The following MTMR3 variants were observed in gnomAD, a reference collection of about 807,000 sequenced individuals.
The protein encoded by MTMR3 is myotubularin related protein 3, also known as phosphatidylinositol-3,5-bisphosphate 3-phosphatase MTMR3.
A neutral mutation model predicts 132.4 loss-of-function variants in MTMR3; 32 were observed. The observed-to-expected ratio is 0.24, with a 90% CI of 0.18 to 0.32. The LOEUF (loss-of-function observed/expected upper bound fraction) is 0.32. Ranked by LOEUF, MTMR3 falls within the 10% of genes least tolerant of loss-of-function variation. The pLI is 1.00. For synonymous variants in MTMR3, 556 were observed against 550.3 expected (o/e 1.01, Z -0.14); for missense variants, 1,216 against 1,489.6 (o/e 0.82, Z 3.02).
At chr22:30,008,130 C>T in intron 11 of MTMR3, 98 bp downstream of exon 11, 1 of 1,475,584 alleles carries the variant, frequency 6.8e-7, no homozygotes. Flanking sequence ...AGTGGCAAGC[C>T]ATATTCCTCA....
chr22:29,923,162 C>T (rs2065451880), intron 1 of MTMR3, among the ~76,000 whole-genome samples: 1 of 151,780 alleles, frequency 6.6e-6, no homozygotes, highest in Admixed American at 6.6e-5. Flanking sequence ...CTGCCTCAGC[C>T]TCCTGAGTAG....
rs550012493 is a variant in MTMR3, at chr22:29,945,440, C to G, written c.-137-11596C>G. On this transcript the variant is annotated intron_variant, in intron 1 of 19. Coordinates refer to ENST00000401950, the MANE Select transcript of MTMR3 (RefSeq NM_021090.4). ...CAAGCTGGCCAGGTGCGGTGGCTTA[C>G]ATCTGTAATCTCAACACTTTGAGAG... 2.0e-5 allele frequency among the ~76,000 whole-genome samples: 3 copies of G among 152,180 alleles called. No individual in the cohort carries two copies. The East Asian group carries it at 5.8e-4, about 29-fold the overall frequency.
chr22:29,971,168 A>T (rs1482007500), intron 3 of MTMR3, 106 bp downstream of exon 3: 1 of 1,183,408 alleles, frequency 8.5e-7, no homozygotes, highest in African/African-American at 1.6e-5. Flanking sequence ...TTTTTGTAAG[A>T]AATTATTTCT....
At chr22:29,899,189 A>G (rs996362575) in intron 1 of MTMR3, among the ~76,000 whole-genome samples, 3 of 152,182 alleles carry the variant, frequency 2.0e-5, no homozygotes, top group East Asian at 1.9e-4. Flanking sequence ...CACTTAGGCT[A>G]TTTAATCAGG....
At position 30,030,048 on chromosome 22, in the gene MTMR3, G is replaced by A. The variant is rs2067983972; in HGVS notation, c.*4247G>A. 2 of 149,674 alleles carry A rather than the reference G, an allele frequency of 1.3e-5. No homozygotes were observed. The highest frequency in any genetic ancestry group is 4.9e-5 in the African/African-American group (2 of 40,534). The allele number at this position is 149,674 out of a possible 1,614,324, so 9.3% of individuals were successfully genotyped here. A position where few individuals can be genotyped will look rare whatever the true frequency, so the allele number is the denominator to read the frequency against. On this transcript the variant is annotated 3_prime_UTR_variant, in exon 20 of 20. Coordinates refer to ENST00000401950, the MANE Select transcript of MTMR3 (RefSeq NM_021090.4). ...CTGGTGTAGAGCTCATCTGCATGTT[G>A]TGTGCAGATACCAGTAGCCTCCCTG...
chr22:29,894,408 A>C (rs571006737), intron 1 of MTMR3, among the ~76,000 whole-genome samples: 5 of 152,180 alleles, frequency 3.3e-5, no homozygotes, highest in African/African-American at 1.2e-4. Flanking sequence ...CTTCTTAATA[A>C]GCTGATTGAG....
At chr22:29,896,869 TCACACACA>T (rs61038012) in intron 1 of MTMR3, among the ~76,000 whole-genome samples, 18 of 138,146 alleles carry the variant, frequency 1.3e-4, no homozygotes, top group South Asian at 2.4e-4. Context: ...CAGGCTTGTC[TCACACACA>T]CACACACACA....
At chr22:29,956,470 C>T (rs1284672378) in intron 1 of MTMR3, among the ~76,000 whole-genome samples, 1 of 152,126 alleles carries the variant, frequency 6.6e-6, no homozygotes, top group Non-Finnish European at 1.5e-5. Flanking sequence ...TGGTCTCTAA[C>T]TCCTGACCTC....
intron 8 of MTMR3, chr22:29,999,101 G>GT: frequency 3.9e-6 from 1 of 255,036 alleles, no homozygotes; most frequent in Non-Finnish European, 7.4e-6. Context: ...CTAGGCCTCT[G>GT]TTTTTTCTGG....
chr22:29,906,214 A>C (rs1043234859), intron 1 of MTMR3, among the ~76,000 whole-genome samples: 1 of 151,958 alleles, frequency 6.6e-6, no homozygotes, highest in East Asian at 1.9e-4. Flanking sequence ...ACTGTACACA[A>C]ATATATTTGT....
intron 1 of MTMR3, among the ~76,000 whole-genome samples, chr22:29,936,296 A>G (rs2065748738): frequency 6.6e-6 from 1 of 152,160 alleles, no homozygotes; most frequent in Admixed American, 6.6e-5. Context: ...ACTTTTAGGT[A>G]GTTGCAGACT....
chr22:30,004,225 C>A (rs2067230825), intron 9 of MTMR3: 1 of 152,182 alleles, frequency 6.6e-6, no homozygotes, highest in South Asian at 2.1e-4. Flanking sequence ...GCTACAGGAA[C>A]TAGAGAGTAG....
intron 1 of MTMR3, among the ~76,000 whole-genome samples, chr22:29,952,938 A>G (rs1419990248): frequency 6.6e-6 from 1 of 152,150 alleles, no homozygotes; most frequent in African/African-American, 2.4e-5. Flanking sequence ...GGAAACACTA[A>G]CAAGCTGAAA....
intron 2 of MTMR3, among the ~76,000 whole-genome samples, chr22:29,961,595 A>G (rs2066313195): frequency 6.6e-6 from 1 of 152,122 alleles, no homozygotes; most frequent in Non-Finnish European, 1.5e-5. Context: ...TGGAACTGAA[A>G]AATAACTATC....
chr22:29,936,146 A>G (rs1371836914), intron 1 of MTMR3, among the ~76,000 whole-genome samples: 1 of 152,194 alleles, frequency 6.6e-6, no homozygotes, highest in Non-Finnish European at 1.5e-5. Context: ...TCTATTCTGT[A>G]GCCTACAATC....
intron 1 of MTMR3, among the ~76,000 whole-genome samples, chr22:29,930,652 A>G (rs1310634142): frequency 1.3e-5 from 2 of 152,162 alleles, no homozygotes; most frequent in Non-Finnish European, 2.9e-5. Flanking sequence ...TGATTGTGCC[A>G]CTGCACTCCA....
chr22:29,915,847 T>C (rs1285764328), intron 1 of MTMR3, among the ~76,000 whole-genome samples: 1 of 152,218 alleles, frequency 6.6e-6, no homozygotes, highest in African/African-American at 2.4e-5. Flanking sequence ...TATTCTTTTC[T>C]GTCATTTTTT....
intron 1 of MTMR3, among the ~76,000 whole-genome samples, chr22:29,933,862 T>C (rs1378387457): frequency 6.6e-6 from 1 of 152,076 alleles, no homozygotes; most frequent in African/African-American, 2.4e-5. Context: ...TGCACCATTG[T>C]GCCTGGCTAA....
At chr22:29,985,640 G>A (rs1418431854) in intron 5 of MTMR3, 5 of 152,146 alleles carry the variant, frequency 3.3e-5, no homozygotes, top group East Asian at 1.9e-4. Flanking sequence ...TTCTTGCTGC[G>A]TATTAAGCTT....
Sources: gnomAD v4.1 joint callset for allele counts (sites outside exome capture counted in the v4.1 genomes callset) on GRCh38, gnomAD v4.1.1 for gene constraint, MANE v1.5 for transcripts, NCBI Gene and HGNC (gene_info 2026-07-23, HGNC 2026-07-21) for gene names.